The following PPP1R9A variants were observed in gnomAD, a reference collection of about 807,000 sequenced individuals.
The protein encoded by PPP1R9A is neurabin-1.
PPP1R9A carries 59 observed loss-of-function variants against 141.9 expected under a neutral mutation model. The observed-to-expected ratio is 0.42, with a 90% CI of 0.34 to 0.52. The LOEUF (loss-of-function observed/expected upper bound fraction) is 0.52. Ranked by LOEUF, PPP1R9A falls within the 20% of genes least tolerant of loss-of-function variation. PPP1R9A has a pLI of 0.10. For missense variants in PPP1R9A, 1,444 were observed against 1,611.9 expected (o/e 0.90, Z 1.78); for synonymous variants, 500 against 569.7 (o/e 0.88, Z 1.74).
chr7:95,270,083 T>C (rs1046671881), intron 14 of PPP1R9A, among the ~76,000 whole-genome samples: 2 of 152,164 alleles, frequency 1.3e-5, no homozygotes, highest in African/African-American at 4.8e-5. Flanking sequence ...AGTCACACTT[T>C]TTTACTTACA....
intron 4 of PPP1R9A, among the ~76,000 whole-genome samples, chr7:95,127,447 C>T (rs1823756978): frequency 6.6e-6 from 1 of 151,758 alleles, no homozygotes; most frequent in African/African-American, 2.4e-5. Flanking sequence ...TCTATCGTTA[C>T]TGTTTCTGTT....
chr7:95,212,677 G>C (rs1792384302), intron 7 of PPP1R9A, among the ~76,000 whole-genome samples: 1 of 152,222 alleles, frequency 6.6e-6, no homozygotes, highest in Non-Finnish European at 1.5e-5. Flanking sequence ...TTTCTGGACA[G>C]TAGAATTGCT....
Position 94,910,040 on chromosome 7 carries a change from G to T in PPP1R9A, c.-74G>T. On this transcript the variant is annotated 5_prime_UTR_variant, in exon 2 of 20. Transcript: ENST00000433360. The surrounding 1 kb of genome is among the most constrained non-coding windows in gnomAD (Gnocchi z 4.5). ...TCTTGACCCAATACTGGTGATTAGA[G>T]AAGAGAGGTATCTTGGTTTTTGGTT... 2 of 1,312,726 alleles carry T rather than the reference G, an allele frequency of 1.5e-6. No homozygotes were observed. The highest frequency in any genetic ancestry group is 2.1e-6 in the Non-Finnish European group (2 of 946,032). The allele number at this position is 1,312,726 out of a possible 1,614,324, so 81.3% of individuals were successfully genotyped here. A position where few individuals can be genotyped will look rare whatever the true frequency, so the allele number is the denominator to read the frequency against.
intron 7 of PPP1R9A, among the ~76,000 whole-genome samples, chr7:95,212,243 A>G (rs1422902820): frequency 1.3e-5 from 2 of 152,140 alleles, no homozygotes; most frequent in Non-Finnish European, 2.9e-5. Context: ...ACAATTTAAT[A>G]TATTCATTTA....
At chr7:94,982,666 G>A (rs921939858) in intron 2 of PPP1R9A, among the ~76,000 whole-genome samples, 6 of 152,106 alleles carry the variant, frequency 3.9e-5, no homozygotes, top group Admixed American at 1.3e-4. Flanking sequence ...ACTTTTTGAT[G>A]GGGTTGTTTG....
chr7:95,197,809 C>T lies in PPP1R9A; in HGVS notation c.1755-540C>T, dbSNP rs565784626. Among the ~76,000 whole-genome samples the T allele has an allele frequency of 3.4e-3, 521 of 152,090 alleles. 1 individual carries two copies. Among genetic ancestry groups the T allele is most frequent in the Non-Finnish European group, 5.8e-3 (397 of 67,982 alleles). ...GACTACAGGTGCGCGCCACCACGCC[C>T]GGCTAATTTTTGTATTTTTAGTAGA... On this transcript the variant is annotated intron_variant, in intron 5 of 19. Transcript: ENST00000433360.
In PPP1R9A at chr7:95,203,703, C is replaced by T. The variant is rs2152879252; in HGVS notation, c.1929C>T (p.Cys643=). 1.3e-6 allele frequency: 2 copies of T among 1,536,076 alleles called. No homozygotes were observed. Among genetic ancestry groups the T allele is most frequent in the Admixed American group, 2.0e-5 (1 of 50,880 alleles). The part of the protein sequence containing the change: ...VAELQGMSGN[C]NNNNNYFLKT... The stretch of plus-strand genomic sequence containing the variant: ...AATTGCAAGGAATGTCTGGCAACTG[C>T]AATAACAATAACAACTATTTTCTTA... Residue 643 remains cysteine (C), a synonymous_variant, in exon 7 of 20, where the codon TGC becomes TGT. Transcript: ENST00000433360.
intron 2 of PPP1R9A, among the ~76,000 whole-genome samples, chr7:94,926,771 T>C (rs1016818333): frequency 6.6e-6 from 1 of 152,214 alleles, no homozygotes; most frequent in Non-Finnish European, 1.5e-5. Context: ...TTGGTTTTAA[T>C]TCCATAGCTA....
rs565855076 is a variant in PPP1R9A at position 95,242,569 on chromosome 7, A to T, written c.2113-4904A>T. On this transcript the variant is annotated intron_variant, in intron 8 of 19. Coordinates refer to ENST00000433360, the MANE Select transcript of PPP1R9A (RefSeq NM_001166160.2). Reference sequence around the variant, plus strand: ...TGGATTATATCGATCCGGTAATATGAGTGCATGTTCTGTATTCATCTTTTT... The same window carrying T: ...TGGATTATATCGATCCGGTAATATGTGTGCATGTTCTGTATTCATCTTTTT... Among the ~76,000 whole-genome samples the T allele has an allele frequency of 4.0e-5, 6 of 151,896 alleles. No homozygotes were observed. The East Asian group carries it at 1.2e-3, about 29-fold the overall frequency.
At chr7:94,920,510 T>C (rs1407228997) in intron 2 of PPP1R9A, among the ~76,000 whole-genome samples, 2 of 152,214 alleles carry the variant, frequency 1.3e-5, no homozygotes, top group Non-Finnish European at 2.9e-5. Flanking sequence ...CTTTGCTTAC[T>C]TAATCTATTT....
chr7:95,266,526 T>C (rs1216645151), intron 12 of PPP1R9A, among the ~76,000 whole-genome samples: 2 of 152,072 alleles, frequency 1.3e-5, no homozygotes, highest in Non-Finnish European at 2.9e-5. Context: ...GATAGCCTAG[T>C]AGCCTGGAAA....
chr7:95,153,558 G>A (rs1283939047), intron 4 of PPP1R9A, among the ~76,000 whole-genome samples: 1 of 152,170 alleles, frequency 6.6e-6, no homozygotes, highest in Non-Finnish European at 1.5e-5. Flanking sequence ...ACACAGCTAT[G>A]TATTTCAGAC....
At chr7:95,077,691 A>G (rs139159784) in intron 2 of PPP1R9A, among the ~76,000 whole-genome samples, 83 of 152,330 alleles carry the variant, frequency 5.4e-4, no homozygotes, top group Non-Finnish European at 1.1e-3. Flanking sequence ...TATGTAAGAA[A>G]TAATGGTAAA....
chr7:95,168,709 C>T (rs780146579), intron 5 of PPP1R9A, among the ~76,000 whole-genome samples: 1 of 151,928 alleles, frequency 6.6e-6, no homozygotes, highest in African/African-American at 2.4e-5. Flanking sequence ...AAAATAGTCT[C>T]ATTAAAAAGT....
At chr7:95,048,092 A>G (rs1810285062) in intron 2 of PPP1R9A, among the ~76,000 whole-genome samples, 1 of 152,212 alleles carries the variant, frequency 6.6e-6, no homozygotes, top group Non-Finnish European at 1.5e-5. Flanking sequence ...TTTATGTAAA[A>G]TGAAATGTAC....
chr7:95,065,865 AG>A (rs1410390861), intron 2 of PPP1R9A, among the ~76,000 whole-genome samples: 3 of 151,612 alleles, frequency 2.0e-5, no homozygotes, highest in Admixed American at 6.6e-5. Context: ...CTAAAATTCA[AG>A]GAAAAAAAAT....
chr7:95,043,442 A>G (rs1460050057), intron 2 of PPP1R9A, among the ~76,000 whole-genome samples: 1 of 152,188 alleles, frequency 6.6e-6, no homozygotes, highest in East Asian at 1.9e-4. Context: ...CCTGATAAGT[A>G]AGCAACAAGG....
intron 1 of PPP1R9A, among the ~76,000 whole-genome samples, chr7:94,909,158 G>T (rs957060967): frequency 6.6e-6 from 1 of 152,090 alleles, no homozygotes; most frequent in Non-Finnish European, 1.5e-5. Context: ...GTGAAAAGGG[G>T]TGTCACAGTA....
intron 5 of PPP1R9A, among the ~76,000 whole-genome samples, chr7:95,177,811 A>G (rs2152776182): frequency 6.6e-6 from 1 of 152,330 alleles, no homozygotes; most frequent in East Asian, 1.9e-4. Context: ...GGCTTTGTCC[A>G]ACAGGAAAAT....
Sources: allele counts gnomAD v4.1 joint callset (sites outside exome capture counted in the v4.1 genomes callset), GRCh38; gene constraint gnomAD v4.1.1; non-coding constraint Gnocchi (gnomAD v3.1); transcripts MANE v1.5; gene names NCBI Gene and HGNC (gene_info 2026-07-23, HGNC 2026-07-21).